TNFAIP8: variants seen among roughly 807,000 people sequenced by gnomAD.
The protein encoded by TNFAIP8 is tumor necrosis factor alpha-induced protein 8.
A neutral mutation model predicts 13.3 loss-of-function variants in TNFAIP8; 7 were observed. The ratio of observed to expected loss-of-function variants is 0.52; its 90% CI spans 0.30 to 0.99. TNFAIP8 has a LOEUF of 0.99. TNFAIP8 is among the 50% of genes least tolerant of loss of function. The pLI is 0.07. For synonymous variants in TNFAIP8, 94 were observed against 87.6 expected (o/e 1.07, Z -0.41); for missense variants, 258 against 236.9 (o/e 1.09, Z -0.58).
intron 1 of TNFAIP8, among the ~76,000 whole-genome samples, chr5:119,389,575 A>G (rs186211299): frequency 3.3e-4 from 51 of 152,306 alleles, no homozygotes; most frequent in African/African-American, 1.2e-3. Context: ...CTTCATGAGC[A>G]CAGACCACAC....
intron 1 of TNFAIP8, among the ~76,000 whole-genome samples, chr5:119,388,268 TAGAG>T (rs1377872390): frequency 6.6e-6 from 1 of 152,224 alleles, no homozygotes; most frequent in Non-Finnish European, 1.5e-5. Context: ...GGAGCGCACT[TAGAG>T]GGAAGAAAAA....
upstream of TNFAIP8, chr5:119,355,542 G>A: frequency 3.5e-6 from 2 of 578,426 alleles, no homozygotes; most frequent in Non-Finnish European, 6.2e-6. Context: ...TTTAAAATCC[G>A]TAATTTTTGG....
At chr5:119,357,255 G>T (rs1278669656) in intron 1 of TNFAIP8, among the ~76,000 whole-genome samples, 1 of 152,216 alleles carries the variant, frequency 6.6e-6, no homozygotes, top group African/African-American at 2.4e-5. Context: ...GGGCTGGCAT[G>T]AATGAAAAAT....
chr5:119,283,072 C>T (rs1748683444), intron 1 of TNFAIP8, among the ~76,000 whole-genome samples: 1 of 152,202 alleles, frequency 6.6e-6, no homozygotes, highest in African/African-American at 2.4e-5. Context: ...TTGGTGACCT[C>T]TGAACTTTGG....
chr5:119,304,178 G>T (rs530740222), intron 1 of TNFAIP8, among the ~76,000 whole-genome samples: 1 of 152,108 alleles, frequency 6.6e-6, no homozygotes, highest in Non-Finnish European at 1.5e-5. Flanking sequence ...GAGTGTAGTG[G>T]CATGATCATA....
rs537308009 is a variant in TNFAIP8 at position 119,293,116 on chromosome 5, A to G, written c.1+24209A>G. Among the ~76,000 whole-genome samples, 8 of 152,272 alleles carry G rather than the reference A, an allele frequency of 5.3e-5. No individual in the cohort carries two copies. In the South Asian group the frequency reaches 1.7e-3, roughly 32 times the overall value. On this transcript the variant is annotated intron_variant, in intron 1 of 1. Transcript: ENST00000274456. Reference sequence around the variant, plus strand: ...AACTGTATATACATGTGTGTACAACATGATTTTTGATATATATGCATGTTG... The same window carrying G: ...AACTGTATATACATGTGTGTACAACGTGATTTTTGATATATATGCATGTTG...
At chr5:119,353,964 A>C (rs572658566), upstream of TNFAIP8, among the ~76,000 whole-genome samples, 2 of 152,306 alleles carry the variant, frequency 1.3e-5, no homozygotes, top group South Asian at 4.1e-4. Flanking sequence ...AGATCCCTTA[A>C]GATCTCTTGT....
intron 1 of TNFAIP8, among the ~76,000 whole-genome samples, chr5:119,389,270 C>T (rs1752801305): frequency 8.5e-6 from 1 of 117,544 alleles, no homozygotes; most frequent in Non-Finnish European, 1.8e-5. Context: ...ATTTGAGATG[C>T]CTGCAAAATA....
chr5:119,317,628 T>A (rs1327426557), intron 1 of TNFAIP8, among the ~76,000 whole-genome samples: 1 of 151,056 alleles, frequency 6.6e-6, no homozygotes, highest in South Asian at 2.1e-4. Context: ...AGATGGAGTC[T>A]CACTCTCTTG....
chr5:119,347,984 A>G (rs1750971095), intron 1 of TNFAIP8, among the ~76,000 whole-genome samples: 1 of 152,234 alleles, frequency 6.6e-6, no homozygotes, highest in Non-Finnish European at 1.5e-5. Context: ...GATTCCACAA[A>G]TGGAGTACTA....
chr5:119,356,130 C>A lies in TNFAIP8; in HGVS notation c.31+9C>A. On this transcript the variant is annotated intron_variant, in intron 1 of 1. Coordinates refer to ENST00000504771, the MANE Select transcript of TNFAIP8 (RefSeq NM_014350.4). Reference sequence around the variant, plus strand: ...AGAAGAATCCAAGGAAGGTAGGATTCTGGTTTCTCCTGGGGGCCGGCCAAG... The same window carrying A: ...AGAAGAATCCAAGGAAGGTAGGATTATGGTTTCTCCTGGGGGCCGGCCAAG... 1.9e-6 allele frequency: 3 copies of A among 1,578,308 alleles called. No individual in the cohort carries two copies. The highest frequency in any genetic ancestry group is 1.7e-6 in the Non-Finnish European group (2 of 1,159,502).
chr5:119,294,995 T>C (rs1330090460), intron 1 of TNFAIP8, among the ~76,000 whole-genome samples: 1 of 152,016 alleles, frequency 6.6e-6, no homozygotes, highest in Non-Finnish European at 1.5e-5. Flanking sequence ...GTAGGTTGCC[T>C]GTTCACTCTA....
rs1373441760 is a variant in TNFAIP8, at chr5:119,393,796, C to G, written c.*415C>G. On this transcript the variant is annotated 3_prime_UTR_variant, in exon 2 of 2. Transcript: ENST00000504771. ...ATGTATATGTACTTTTCTTAAAATG[C>G]CAAGAACTTTCTCTTGCTATCATTG... 1 of 158,282 alleles carries G rather than the reference C, an allele frequency of 6.3e-6. No homozygotes were observed. The highest frequency in any genetic ancestry group is 1.4e-5 in the Non-Finnish European group (1 of 71,462). 9.8% of individuals were successfully genotyped at this position (158,282 alleles called of 1,614,324 possible). A position where few individuals can be genotyped will look rare whatever the true frequency, so the allele number is the denominator to read the frequency against.
At chr5:119,271,983 C>G (rs1170733706) in intron 1 of TNFAIP8, among the ~76,000 whole-genome samples, 2 of 152,120 alleles carry the variant, frequency 1.3e-5, no homozygotes, top group African/African-American at 4.8e-5. Flanking sequence ...ACTGCAGTTT[C>G]TAGGCTTCTA....
rs145520094 is a variant in TNFAIP8, at chr5:119,273,424, G to T, written c.1+4517G>T. The stretch of plus-strand genomic sequence containing the variant: ...TTTAACAATGCCAGAGGAGCCCAGA[G>T]AATGGGGTGAATGTAGCACAACTTC... On this transcript the variant is annotated intron_variant, in intron 1 of 1. Coordinates refer to the TNFAIP8 transcript ENST00000274456. 4.9e-4 allele frequency among the ~76,000 whole-genome samples: 74 copies of T among 151,790 alleles called. 3 individuals carry two copies. The East Asian group carries it at 0.014, about 29-fold the overall frequency.
At chr5:119,370,300 T>C (rs1752023902) in intron 1 of TNFAIP8, among the ~76,000 whole-genome samples, 1 of 152,162 alleles carries the variant, frequency 6.6e-6, no homozygotes, top group Non-Finnish European at 1.5e-5. Context: ...GAGAAAGATA[T>C]TACTTGATTG....
At chr5:119,288,381 T>C (rs1206474925) in intron 1 of TNFAIP8, among the ~76,000 whole-genome samples, 1 of 152,216 alleles carries the variant, frequency 6.6e-6, no homozygotes, top group Non-Finnish European at 1.5e-5. Flanking sequence ...CATCTATTCC[T>C]AAAAGGCACG....
chr5:119,369,189 GAT>G (rs1751984751), intron 1 of TNFAIP8, among the ~76,000 whole-genome samples: 1 of 151,870 alleles, frequency 6.6e-6, no homozygotes, highest in African/African-American at 2.4e-5. Context: ...AAGTAGGTGG[GAT>G]TATGGGCACC....
At chr5:119,285,117 A>G (rs1017151864) in intron 1 of TNFAIP8, among the ~76,000 whole-genome samples, 5 of 152,134 alleles carry the variant, frequency 3.3e-5, no homozygotes, top group African/African-American at 1.2e-4. Context: ...CGCAGCCATT[A>G]TTTGGTACTA....
Sources: allele counts gnomAD v4.1 joint callset (sites outside exome capture counted in the v4.1 genomes callset), GRCh38; gene constraint gnomAD v4.1.1; transcripts MANE v1.5; gene names NCBI Gene and HGNC (gene_info 2026-07-23, HGNC 2026-07-21).